The following HTR4 variants were observed in gnomAD, a reference collection of about 807,000 sequenced individuals.
HTR4 encodes 5-hydroxytryptamine (serotonin) receptor 4, G protein-coupled.
HTR4 carries 16 observed loss-of-function variants against 36.8 expected under a neutral mutation model. That is an observed-to-expected ratio of 0.43 (90% CI 0.29 to 0.66). HTR4 has a LOEUF of 0.66. HTR4 is among the 30% of genes least tolerant of loss of function. The pLI is 0.13. For missense variants in HTR4, 438 were observed against 490.9 expected (o/e 0.89, Z 1.02); for synonymous variants, 189 against 185.1 (o/e 1.02, Z -0.17).
At chr5:148,605,632 C>T (rs755861375) in intron 2 of HTR4, among the ~76,000 whole-genome samples, 9 of 151,954 alleles carry the variant, frequency 5.9e-5, no homozygotes, top group African/African-American at 9.7e-5. Flanking sequence ...TATTGAAGGA[C>T]AGAGCGGGCC....
chr5:148,548,100 A>G (rs999088533), intron 4 of HTR4, among the ~76,000 whole-genome samples: 5 of 152,236 alleles, frequency 3.3e-5, no homozygotes, highest in African/African-American at 1.2e-4. Flanking sequence ...GAAAGAAAAT[A>G]AAATTATGCC....
At chr5:148,623,592 T>C (rs1249271481) in intron 2 of HTR4, among the ~76,000 whole-genome samples, 2 of 152,160 alleles carry the variant, frequency 1.3e-5, no homozygotes, top group Admixed American at 1.3e-4. Flanking sequence ...CTGGGTTTAG[T>C]TGACTGCTAA....
At chr5:148,492,695 C>T (rs1216529015) in intron 6 of HTR4, among the ~76,000 whole-genome samples, 3 of 152,194 alleles carry the variant, frequency 2.0e-5, no homozygotes, top group African/African-American at 7.2e-5. Context: ...TCAATTTAAC[C>T]TTAACAAAAG....
chr5:148,579,124 T>G (rs559741684), intron 2 of HTR4, among the ~76,000 whole-genome samples: 1 of 152,238 alleles, frequency 6.6e-6, no homozygotes, highest in South Asian at 2.1e-4. Flanking sequence ...CCAATTTAAT[T>G]TGGCAATTAA....
chr5:148,473,191 C>T (rs890848414), downstream of HTR4, among the ~76,000 whole-genome samples: 2 of 150,322 alleles, frequency 1.3e-5, no homozygotes, highest in Non-Finnish European at 2.9e-5. Flanking sequence ...CCCAGCTACT[C>T]GGGAGGCTGA....
chr5:148,465,967 C>T (rs746397863), intron 5 of HTR4: 15 of 1,585,980 alleles, frequency 9.5e-6, no homozygotes, highest in Non-Finnish European at 1.3e-5. Flanking sequence ...GAGGGAGAGC[C>T]AAGCAGAATT....
intron 5 of HTR4, among the ~76,000 whole-genome samples, chr5:148,460,596 A>G (rs1016101752): frequency 1.4e-4 from 21 of 152,154 alleles, no homozygotes; most frequent in African/African-American, 4.8e-4. Flanking sequence ...AAAGAAATTG[A>G]GGGAATTTGT....
At position 148,465,266 on chromosome 5, in the gene HTR4, C is replaced by T. The variant is rs150759813; in HGVS notation, c.1077-13994G>A. Among the ~76,000 whole-genome samples the T allele has an allele frequency of 3.3e-4, 50 of 152,216 alleles. 1 individual carries two copies. The highest frequency in any genetic ancestry group is 1.1e-3 in the African/African-American group (47 of 41,514). On this transcript the variant is annotated intron_variant, in intron 5 of 5. Coordinates refer to the HTR4 transcript ENST00000521530. ...TAATAATGTGTCAATATAGGTTCAT[C>T]AGTTGTAACTAATTTACCACTCTGG...
At chr5:148,545,439 G>T (rs1422348723) in intron 4 of HTR4, among the ~76,000 whole-genome samples, 1 of 152,228 alleles carries the variant, frequency 6.6e-6, no homozygotes, top group African/African-American at 2.4e-5. Context: ...CAGGGATCTT[G>T]CCCTTGTTCG....
At chr5:148,652,674 A>C (rs1027608023) in intron 1 of HTR4, among the ~76,000 whole-genome samples, 2 of 152,070 alleles carry the variant, frequency 1.3e-5, no homozygotes, top group African/African-American at 4.8e-5. Context: ...ATGCTCCCTG[A>C]AGCTCCTGCT....
intron 1 of HTR4, among the ~76,000 whole-genome samples, chr5:148,646,900 A>AAAC (rs936040807): frequency 1.3e-5 from 2 of 152,178 alleles, no homozygotes; most frequent in East Asian, 1.9e-4. Context: ...GTTATCCCAC[A>AAAC]AACAACAACA....
chr5:148,483,485 C>T (rs569401650), intron 6 of HTR4, among the ~76,000 whole-genome samples, 192 bp from the exon 7 acceptor site: 36 of 152,272 alleles, frequency 2.4e-4, no homozygotes, highest in Admixed American at 1.4e-3. Flanking sequence ...TTAGAAATAG[C>T]CCATTAATGT....
chr5:148,600,163 GA>G (rs1761932097), intron 2 of HTR4, among the ~76,000 whole-genome samples: 1 of 150,464 alleles, frequency 6.6e-6, no homozygotes. Flanking sequence ...ATAAACTCAT[GA>G]AAAAGAAAGC....
At chr5:148,606,771 G>C (rs1311835946) in intron 2 of HTR4, among the ~76,000 whole-genome samples, 2 of 152,096 alleles carry the variant, frequency 1.3e-5, no homozygotes, top group South Asian at 2.1e-4. Flanking sequence ...TTTGGTGATA[G>C]GTCCCATTGT....
chr5:148,477,119 A>G (rs1235717151), downstream of HTR4, among the ~76,000 whole-genome samples: 1 of 152,210 alleles, frequency 6.6e-6, no homozygotes, highest in Admixed American at 6.5e-5. Context: ...TTAGAGCCTA[A>G]TTCCCCAATC....
intron 2 of HTR4, among the ~76,000 whole-genome samples, chr5:148,581,108 A>T (rs1761116265): frequency 6.6e-6 from 1 of 151,886 alleles, no homozygotes; most frequent in African/African-American, 2.4e-5. Flanking sequence ...GATTAGTGAT[A>T]GTAAGCATCT....
Position 148,548,767 on chromosome 5 carries a change from A to C in HTR4, c.254T>G (p.Ile85Ser), listed in dbSNP as rs1299038131. ...ACAAAACACCTCCCCATAAATCCAG[A>C]TGTCTTGAACCAGCTCAATGGCACC... ...PFGAIELVQDIWIYGEVFCLV... is the reference protein window; with the variant it reads ...PFGAIELVQDSWIYGEVFCLV... The change falls in exon 4 of 7, where the codon ATC becomes AGC. Residue 85 changes from isoleucine to serine, a missense_variant. By Grantham distance (142) the Ile-to-Ser change is moderately radical (BLOSUM62 -2). Transcript: ENST00000377888. 8 of 1,613,944 alleles carry C rather than the reference A, an allele frequency of 5.0e-6. No individual in the cohort carries two copies. Among genetic ancestry groups the C allele is most frequent in the Non-Finnish European group, 5.9e-6 (7 of 1,179,980 alleles).
At chr5:148,541,358 G>A (rs1379627781) in intron 4 of HTR4, among the ~76,000 whole-genome samples, 1 of 152,156 alleles carries the variant, frequency 6.6e-6, no homozygotes, top group African/African-American at 2.4e-5. Flanking sequence ...CAGCTATTAT[G>A]TTCCAGAAAG....
At chr5:148,608,248 G>A (rs558279884) in intron 2 of HTR4, among the ~76,000 whole-genome samples, 2 of 152,296 alleles carry the variant, frequency 1.3e-5, no homozygotes, top group African/African-American at 4.8e-5. Context: ...AGCAGTGCCT[G>A]CCTTCATGTA....
Sources: gnomAD v4.1 joint callset for allele counts (sites outside exome capture counted in the v4.1 genomes callset) on GRCh38, gnomAD v4.1.1 for gene constraint, MANE v1.5 for transcripts, NCBI Gene and HGNC (gene_info 2026-07-23, HGNC 2026-07-21) for gene names.